CNTN5: variants seen among roughly 807,000 people sequenced by gnomAD.
CNTN5 encodes the protein contactin-5.
CNTN5 carries 77 observed loss-of-function variants against 129.1 expected under a neutral mutation model. The observed-to-expected ratio is 0.60, with a 90% CI of 0.50 to 0.72. The LOEUF (loss-of-function observed/expected upper bound fraction) is 0.72. Ranked by LOEUF, CNTN5 falls within the 30% of genes least tolerant of loss-of-function variation. The pLI is 0.00. For missense variants in CNTN5, 1,478 were observed against 1,328.8 expected (o/e 1.11, Z -1.75); for synonymous variants, 509 against 465.6 (o/e 1.09, Z -1.20).
At chr11:100,275,324 G>T (rs1164743460) in intron 18 of CNTN5, among the ~76,000 whole-genome samples, 1 of 152,156 alleles carries the variant, frequency 6.6e-6, no homozygotes. Flanking sequence ...AGCATAACAG[G>T]TTAGTTGTTC....
chr11:100,149,254 G>T (rs765897948), intron 13 of CNTN5, among the ~76,000 whole-genome samples: 2 of 152,112 alleles, frequency 1.3e-5, no homozygotes, highest in Non-Finnish European at 2.9e-5. Flanking sequence ...TGAAGCAATT[G>T]CTGTTAATGC....
At chr11:99,879,008 G>T (rs1948705532) in intron 6 of CNTN5, among the ~76,000 whole-genome samples, 2 of 151,978 alleles carry the variant, frequency 1.3e-5, no homozygotes, top group African/African-American at 2.4e-5. Context: ...TCTGATCTCT[G>T]CTCACTGCCA....
intron 21 of CNTN5, among the ~76,000 whole-genome samples, chr11:100,312,901 G>A (rs1048919517): frequency 2.1e-4 from 32 of 151,900 alleles, no homozygotes; most frequent in Non-Finnish European, 8.8e-5. Flanking sequence ...ATCCTAATGG[G>A]GGAAAACATT....
chr11:100,029,560 G>C (rs1257097447), intron 9 of CNTN5, among the ~76,000 whole-genome samples: 1 of 151,716 alleles, frequency 6.6e-6, no homozygotes, highest in Non-Finnish European at 1.5e-5. Flanking sequence ...TCCAGCCTGG[G>C]CAACAGCGAG....
intron 3 of CNTN5, among the ~76,000 whole-genome samples, chr11:99,711,855 C>G (rs1955004155): frequency 6.6e-6 from 1 of 152,030 alleles, no homozygotes; most frequent in African/African-American, 2.4e-5. Flanking sequence ...TGTGTCTGTG[C>G]CACATTTTCT....
At chr11:99,493,916 C>T (rs181471600) in intron 2 of CNTN5, among the ~76,000 whole-genome samples, 1 of 152,224 alleles carries the variant, frequency 6.6e-6, no homozygotes, top group Non-Finnish European at 1.5e-5. Context: ...TCTATATAGT[C>T]ATGTAGAATT....
chr11:99,985,558 T>C (rs996326942), intron 8 of CNTN5, among the ~76,000 whole-genome samples: 1 of 152,096 alleles, frequency 6.6e-6, no homozygotes, highest in Non-Finnish European at 1.5e-5. Flanking sequence ...AAAGAACCAA[T>C]TGGGAAAGAG....
At chr11:99,669,458 GTGTGTGTGTGTGTGTA>G (rs1341075178) in intron 3 of CNTN5, among the ~76,000 whole-genome samples, 18 of 79,934 alleles carry the variant, frequency 2.3e-4, no homozygotes, top group African/African-American at 6.9e-4. Context: ...GTGTGTGTGT[GTGTGTGTGTGTGTGTA>G]TATGTGTATA....
intron 1 of CNTN5, among the ~76,000 whole-genome samples, chr11:99,269,846 G>T (rs1863091831): frequency 6.6e-6 from 1 of 151,854 alleles, no homozygotes; most frequent in South Asian, 2.1e-4. Flanking sequence ...TGCAGAATTT[G>T]ATTTTCATAA....
chr11:99,236,493 CACACAG>C (rs769168636), intron 1 of CNTN5, among the ~76,000 whole-genome samples: 3,260 of 127,806 alleles, frequency 0.026, 88 homozygotes, highest in African/African-American at 0.07. Flanking sequence ...CACACACACA[CACACAG>C]AGAGAGAGAG....
intron 1 of CNTN5, among the ~76,000 whole-genome samples, chr11:99,216,352 A>T (rs1860114905): frequency 6.6e-6 from 1 of 152,084 alleles, no homozygotes; most frequent in Non-Finnish European, 1.5e-5. Flanking sequence ...GGGTAGAATA[A>T]CATTTCATTG....
At chr11:99,962,248 G>A (rs1017125363) in intron 8 of CNTN5, among the ~76,000 whole-genome samples, 1 of 151,980 alleles carries the variant, frequency 6.6e-6, no homozygotes, top group Non-Finnish European at 1.5e-5. Flanking sequence ...ATGTTGGTGT[G>A]CTGCACCCAT....
intron 3 of CNTN5, among the ~76,000 whole-genome samples, chr11:99,805,484 A>G (rs1946241484): frequency 6.6e-6 from 1 of 152,218 alleles, no homozygotes; most frequent in Non-Finnish European, 1.5e-5. Context: ...AGGCAAACTA[A>G]CTTGTTAATT....
In CNTN5 at chr11:99,910,786, C is replaced by CT. The variant is rs527839699; in HGVS notation, c.578-5268_578-5267insT. On this transcript the variant is annotated intron_variant, in intron 6 of 24. Coordinates refer to ENST00000524871, the MANE Select transcript of CNTN5 (RefSeq NM_014361.4). ...TTTTCTCTCTTTTCTCTTTTCTAAACATTTAGAAGGTCAAAAATAGTTTGT... is the reference window on the plus strand; with the variant it reads ...TTTTCTCTCTTTTCTCTTTTCTAAACTATTTAGAAGGTCAAAAATAGTTTGT... Among the ~76,000 whole-genome samples the CT allele has an allele frequency of 3.6e-3, 549 of 152,066 alleles. 6 individuals carry two copies. Among genetic ancestry groups the CT allele is most frequent in the African/African-American group, 0.012 (491 of 41,498 alleles).
At chr11:99,839,826 A>T (rs1251425214) in intron 4 of CNTN5, among the ~76,000 whole-genome samples, 1 of 152,124 alleles carries the variant, frequency 6.6e-6, no homozygotes, top group African/African-American at 2.4e-5. Flanking sequence ...AAAGTCAAAC[A>T]AAAAAGAAGA....
chr11:99,463,256 G>T (rs2135243119), intron 2 of CNTN5, among the ~76,000 whole-genome samples: 1 of 150,878 alleles, frequency 6.6e-6, no homozygotes, highest in South Asian at 2.1e-4. Flanking sequence ...GGCTAACACG[G>T]TGAAACCCCA....
At chr11:99,413,593 T>C (rs1371436838) in intron 2 of CNTN5, among the ~76,000 whole-genome samples, 2 of 151,184 alleles carry the variant, frequency 1.3e-5, no homozygotes, top group African/African-American at 2.4e-5. Context: ...CACTCCAACG[T>C]GGGCAACAGA....
At chr11:99,035,254 G>A (rs1398113165) in intron 1 of CNTN5, among the ~76,000 whole-genome samples, 7 of 149,294 alleles carry the variant, frequency 4.7e-5, no homozygotes, top group Non-Finnish European at 9.0e-5. Flanking sequence ...CTGTTGATTT[G>A]GGGTGGAGAG....
intron 16 of CNTN5, among the ~76,000 whole-genome samples, chr11:100,239,697 G>A: frequency 6.6e-6 from 1 of 152,114 alleles, no homozygotes; most frequent in East Asian, 1.9e-4. Context: ...AAACCGAATA[G>A]TGTGAATGAC....
Sources: allele counts gnomAD v4.1 joint callset (sites outside exome capture counted in the v4.1 genomes callset), GRCh38; gene constraint gnomAD v4.1.1; transcripts MANE v1.5; gene names NCBI Gene and HGNC (gene_info 2026-07-23, HGNC 2026-07-21).